The following CACNA1E variants were observed in gnomAD, a reference collection of about 807,000 sequenced individuals.
CACNA1E encodes calcium voltage-gated channel subunit alpha1 E.
Under a neutral mutation model 259.2 loss-of-function variants are expected in CACNA1E, and 40 were observed. The ratio of observed to expected loss-of-function variants is 0.15; its 90% CI spans 0.12 to 0.20. CACNA1E has a LOEUF of 0.20. Ranked by LOEUF, CACNA1E falls within the 10% of genes least tolerant of loss-of-function variation. CACNA1E has a pLI of 1.00. For missense variants in CACNA1E, 1,874 were observed against 3,040.1 expected, an observed-to-expected ratio of 0.62 and a Z score of 9.02; for synonymous variants, 1,104 against 1,138.5, an observed-to-expected ratio of 0.97 and a Z score of 0.61.
intron 7 of CACNA1E, among the ~76,000 whole-genome samples, chr1:181,659,684 CTT>C (rs943221455): frequency 1.3e-5 from 2 of 152,176 alleles, no homozygotes; most frequent in African/African-American, 4.8e-5. Flanking sequence ...TGTGAGCTCT[CTT>C]GTGTAAAGCA....
chr1:181,405,858 G>A (rs987617112), intron 1 of CACNA1E, among the ~76,000 whole-genome samples: 3 of 152,194 alleles, frequency 2.0e-5, no homozygotes, highest in Non-Finnish European at 4.4e-5. Context: ...TCTCCCAGCT[G>A]GAGAGAAAAA....
intron 3 of CACNA1E, among the ~76,000 whole-genome samples, chr1:181,518,059 A>G (rs1177939330): frequency 6.6e-6 from 1 of 152,116 alleles, no homozygotes; most frequent in Admixed American, 6.5e-5. Flanking sequence ...GGGCAGGTGA[A>G]GGATGCAGAT....
chr1:181,407,709 G>C (rs1442075950), intron 1 of CACNA1E, among the ~76,000 whole-genome samples: 2 of 152,140 alleles, frequency 1.3e-5, no homozygotes, highest in Non-Finnish European at 2.9e-5. Flanking sequence ...ATCCCTAGAT[G>C]AATATTTATT....
chr1:181,482,754 A>T (rs1220442815), upstream of CACNA1E, among the ~76,000 whole-genome samples: 1 of 152,250 alleles, frequency 6.6e-6, no homozygotes. Flanking sequence ...GTCTGTGGAC[A>T]AGTGTGGTGC....
intron 1 of CACNA1E, 94 bp downstream of exon 1, chr1:181,484,104 C>A: frequency 1.5e-6 from 2 of 1,298,592 alleles, no homozygotes; most frequent in Non-Finnish European, 2.2e-6. Flanking sequence ...CCCACCCCTT[C>A]CTGGTGCCAA....
chr1:181,679,967 G>T (rs1043713990), intron 7 of CACNA1E, among the ~76,000 whole-genome samples: 2 of 151,966 alleles, frequency 1.3e-5, no homozygotes, highest in Admixed American at 1.3e-4. Context: ...AAAAATATTA[G>T]CAGAGCATGG....
At chr1:181,418,764 C>A (rs569277891) in intron 2 of CACNA1E, among the ~76,000 whole-genome samples, 2 of 152,044 alleles carry the variant, frequency 1.3e-5, no homozygotes, top group Non-Finnish European at 2.9e-5. Context: ...TGTCTCCCCC[C>A]TCAAAATGTA....
At chr1:181,596,575 T>TGTGC (rs1286322621) in intron 6 of CACNA1E, among the ~76,000 whole-genome samples, 1 of 151,628 alleles carries the variant, frequency 6.6e-6, no homozygotes, top group African/African-American at 2.4e-5. Context: ...TGTGTGTGTG[T>TGTGC]GTGTGTGTGT....
At chr1:181,359,366 C>T (rs1425588228) in intron 1 of CACNA1E, among the ~76,000 whole-genome samples, 2 of 152,116 alleles carry the variant, frequency 1.3e-5, no homozygotes, top group Admixed American at 6.6e-5. Flanking sequence ...GACGTTTGCA[C>T]TTGGCCTTAA....
At chr1:181,380,922 C>T (rs932939426) in intron 1 of CACNA1E, among the ~76,000 whole-genome samples, 1 of 152,222 alleles carries the variant, frequency 6.6e-6, no homozygotes, top group Non-Finnish European at 1.5e-5. Flanking sequence ...CCCAGCAGCA[C>T]TTTGAGAGGC....
rs1661638656 is a variant in CACNA1E at position 181,794,756 on chromosome 1, G to A, written c.6028-108G>A. The A allele has an allele frequency of 3.4e-6, 3 of 881,816 alleles. 1 individual carries two copies. The South Asian group carries it at 5.4e-5, about 16-fold the overall frequency. The allele number at this position is 881,816 out of a possible 1,614,324, so 54.6% of individuals were successfully genotyped here. A position where few individuals can be genotyped will look rare whatever the true frequency, so the allele number is the denominator to read the frequency against. On this transcript the variant is annotated intron_variant, in intron 45 of 47. Coordinates refer to ENST00000367573, the MANE Select transcript of CACNA1E (RefSeq NM_001205293.3). Reference sequence around the variant, plus strand: ...TTCAAGGGAAGTTACCATTTCCAGGGGTTACAATTTGCCTTCCTTAACGTC... The same window carrying A: ...TTCAAGGGAAGTTACCATTTCCAGGAGTTACAATTTGCCTTCCTTAACGTC...
chr1:181,672,211 A>G (rs1320084928), intron 7 of CACNA1E, among the ~76,000 whole-genome samples: 2 of 152,216 alleles, frequency 1.3e-5, no homozygotes, highest in Non-Finnish European at 2.9e-5. Context: ...AAAGAGGAGA[A>G]CAACAGACAG....
chr1:181,400,367 C>T (rs571354717), intron 1 of CACNA1E, among the ~76,000 whole-genome samples: 1 of 152,146 alleles, frequency 6.6e-6, no homozygotes, highest in Non-Finnish European at 1.5e-5. Context: ...CCCCTCCTTT[C>T]CTGAAGTTTA....
At chr1:181,781,586 G>A in intron 39 of CACNA1E, 63 bp downstream of exon 39, 1 of 880,184 alleles carries the variant, frequency 1.1e-6, no homozygotes, top group East Asian at 2.6e-5. Flanking sequence ...TAGTTGTGGG[G>A]AGGCCAGAAC....
At chr1:181,795,871 T>TA (rs1369776732) in intron 46 of CACNA1E, among the ~76,000 whole-genome samples, 1 of 151,184 alleles carries the variant, frequency 6.6e-6, no homozygotes, top group East Asian at 1.9e-4. Context: ...ATAGGGCCAT[T>TA]AAGTGGCAGA....
upstream of CACNA1E, among the ~76,000 whole-genome samples, chr1:181,481,362 A>ACACT (rs776531576): frequency 1.9e-4 from 29 of 151,916 alleles, no homozygotes; most frequent in African/African-American, 5.1e-4. Flanking sequence ...ACACACACAC[A>ACACT]CACACACACT....
intron 25 of CACNA1E, among the ~76,000 whole-genome samples, chr1:181,743,608 T>G (rs979818866): frequency 1.3e-5 from 2 of 152,182 alleles, no homozygotes; most frequent in Non-Finnish European, 2.9e-5. Context: ...TCTAGTGAAG[T>G]GACTTGGGCA....
chr1:181,747,397 C>A (rs1301002759), intron 25 of CACNA1E, among the ~76,000 whole-genome samples: 1 of 150,672 alleles, frequency 6.6e-6, no homozygotes, highest in Non-Finnish European at 1.5e-5. Context: ...GGCAGCTTGA[C>A]AATTGAGCTG....
At chr1:181,571,114 G>A (rs1650365381) in intron 3 of CACNA1E, among the ~76,000 whole-genome samples, 1 of 150,644 alleles carries the variant, frequency 6.6e-6, no homozygotes. Context: ...AACTTTACAA[G>A]CATTATTTTT....
Sources: gnomAD v4.1 joint callset for allele counts (sites outside exome capture counted in the v4.1 genomes callset) on GRCh38, gnomAD v4.1.1 for gene constraint, MANE v1.5 for transcripts, NCBI Gene and HGNC (gene_info 2026-07-23, HGNC 2026-07-21) for gene names.